The following AGBL1 variants were observed in gnomAD, a reference collection of about 807,000 sequenced individuals.
The protein encoded by AGBL1 is AGBL carboxypeptidase 1, also known as cytosolic carboxypeptidase 4.
A neutral mutation model predicts 118.9 loss-of-function variants in AGBL1; 130 were observed. The observed-to-expected ratio is 1.09, with a 90% CI of 0.95 to 1.26. The LOEUF is 1.26. Among genes scored for constraint, AGBL1 ranks in the 50% most tolerant of loss-of-function variants. The pLI, the probability that AGBL1 is intolerant of heterozygous loss-of-function variation, is 0.00. For synonymous variants in AGBL1, 555 were observed against 478.9 expected, an observed-to-expected ratio of 1.16 and a Z score of -2.08; for missense variants, 1,584 against 1,298.1, an observed-to-expected ratio of 1.22 and a Z score of -3.38.
chr15:86,211,269 C>G (rs918227032), intron 5 of AGBL1, among the ~76,000 whole-genome samples: 24 of 152,336 alleles, frequency 1.6e-4, no homozygotes, highest in African/African-American at 5.8e-4. Flanking sequence ...TGGGAGGTGT[C>G]TCCCAGTTAG....
At chr15:86,226,691 C>G (rs2078370062) in intron 6 of AGBL1, among the ~76,000 whole-genome samples, 1 of 152,172 alleles carries the variant, frequency 6.6e-6, no homozygotes, top group African/African-American at 2.4e-5. Context: ...TTCAACACAC[C>G]AGCCATGCCT....
At chr15:86,549,549 G>A (rs2083634648) in intron 20 of AGBL1, among the ~76,000 whole-genome samples, 1 of 151,374 alleles carries the variant, frequency 6.6e-6, no homozygotes, top group Admixed American at 6.6e-5. Context: ...AGAATCCAGA[G>A]ATGCTAAAAA....
chr15:86,103,572 G>C (rs989539125), intron 1 of AGBL1, among the ~76,000 whole-genome samples: 1 of 152,078 alleles, frequency 6.6e-6, no homozygotes, highest in African/African-American at 2.4e-5. Context: ...TTTGCTTCTG[G>C]GTGTGTGCAG....
chr15:86,388,216 A>G (rs1428953520), intron 17 of AGBL1, among the ~76,000 whole-genome samples: 1 of 152,158 alleles, frequency 6.6e-6, no homozygotes, highest in Non-Finnish European at 1.5e-5. Context: ...GCTGATTATT[A>G]GCCGTGATTA....
At chr15:86,785,368 T>TG (rs2078393861) in intron 22 of AGBL1, among the ~76,000 whole-genome samples, 2 of 138,780 alleles carry the variant, frequency 1.4e-5, no homozygotes, top group African/African-American at 5.5e-5. Flanking sequence ...TTCTTTTTTT[T>TG]TTTTTTTTTT....
intron 22 of AGBL1, among the ~76,000 whole-genome samples, chr15:86,675,366 T>C (rs546977867): frequency 3.3e-5 from 5 of 152,158 alleles, no homozygotes; most frequent in Non-Finnish European, 7.4e-5. Context: ...CAGTGTGACA[T>C]ACTGAATGGC....
Position 86,964,008 on chromosome 15 carries a change from A to ACTCTCTCTCTCTCTCT in AGBL1, c.3222-23970_3222-23955dup, listed in dbSNP as rs71460234. On this transcript the variant is annotated intron_variant, in intron 23 of 24. Transcript: ENST00000441037. ...ACTAATGGAAGATCTGAGCCAGGAA[A>ACTCTCTCTCTCTCTCT]CTCTCTCTCTCTCTCTCTCTCTCTG... Among the ~76,000 whole-genome samples, 403 of 139,538 alleles carry ACTCTCTCTCTCTCTCT rather than the reference A, an allele frequency of 2.9e-3. 2 individuals are homozygous for ACTCTCTCTCTCTCTCT. The highest frequency in any genetic ancestry group is 4.8e-3 in the Non-Finnish European group (311 of 64,188). 91.5% of individuals were successfully genotyped at this position (139,538 alleles called of 152,430 possible).
chr15:86,743,661 T>C (rs2077712936), intron 22 of AGBL1, among the ~76,000 whole-genome samples: 1 of 152,104 alleles, frequency 6.6e-6, no homozygotes, highest in African/African-American at 2.4e-5. Flanking sequence ...GGAGGGCTAA[T>C]GTAGGCCCAA....
At position 86,636,736 on chromosome 15, in the gene AGBL1, TATATATATATATATATATATATAC is replaced by T. The variant is rs1407549011; in HGVS notation, c.2995-37535_2995-37512del. Reference sequence around the variant, plus strand: ...ATATATATATATATATATATATATATATATATATATATATATATATATACACATACATACAGAAAGGCAAGAGAA... The same window carrying T: ...ATATATATATATATATATATATATATACATACATACAGAAAGGCAAGAGAA... On this transcript the variant is annotated intron_variant, in intron 21 of 22. Transcript: ENST00000614907. 6.4e-4 allele frequency among the ~76,000 whole-genome samples: 35 copies of T among 54,480 alleles called. 4 individuals are homozygous for T. In the South Asian group the frequency reaches 0.012, roughly 18 times the overall value. 35.7% of individuals were successfully genotyped at this position (54,480 alleles called of 152,430 possible). A position where few individuals can be genotyped will look rare whatever the true frequency, so the allele number is the denominator to read the frequency against.
At chr15:86,777,159 T>G (rs1247212338) in intron 22 of AGBL1, among the ~76,000 whole-genome samples, 2 of 152,064 alleles carry the variant, frequency 1.3e-5, no homozygotes, top group African/African-American at 4.8e-5. Context: ...TATAAAAACC[T>G]ACTTCCATTA....
chr15:87,023,685 G>C (rs2347468), intron 24 of AGBL1, among the ~76,000 whole-genome samples: 69,678 of 151,754 alleles, frequency 0.46, 18,453 homozygotes, highest in African/African-American at 0.73. Context: ...AATATACATT[G>C]TATTAAACAG....
chr15:86,275,401 A>C (rs931702785), intron 15 of AGBL1, among the ~76,000 whole-genome samples: 3 of 152,152 alleles, frequency 2.0e-5, no homozygotes, highest in Non-Finnish European at 1.5e-5. Flanking sequence ...AAGTCTGGCA[A>C]CTTCACTGCT....
intron 9 of AGBL1, among the ~76,000 whole-genome samples, chr15:86,259,428 T>C (rs2078948281): frequency 6.6e-6 from 1 of 152,184 alleles, no homozygotes; most frequent in African/African-American, 2.4e-5. Context: ...TTTTATGACA[T>C]TTACTGGGGA....
intron 22 of AGBL1, among the ~76,000 whole-genome samples, chr15:86,697,258 C>T (rs769588301): frequency 1.1e-4 from 17 of 151,786 alleles, no homozygotes; most frequent in Non-Finnish European, 2.9e-5. Flanking sequence ...GGTCATTTAA[C>T]ATAATCCCAA....
At chr15:86,644,708 A>T (rs1009860771) in intron 21 of AGBL1, among the ~76,000 whole-genome samples, 1 of 152,064 alleles carries the variant, frequency 6.6e-6, no homozygotes, top group Non-Finnish European at 1.5e-5. Flanking sequence ...GGGCTTGTCT[A>T]CATTAAAGGA....
chr15:86,519,046 T>A (rs1381509775), intron 18 of AGBL1, among the ~76,000 whole-genome samples: 1 of 152,110 alleles, frequency 6.6e-6, no homozygotes, highest in African/African-American at 2.4e-5. Flanking sequence ...ATGAAGTGGA[T>A]AATTTTTCCC....
At chr15:86,563,556 C>T in intron 21 of AGBL1, among the ~76,000 whole-genome samples, 1 of 70,612 alleles carries the variant, frequency 1.4e-5, no homozygotes. Flanking sequence ...AAGTGCTTTA[C>T]TTCCAACTAT....
intron 22 of AGBL1, among the ~76,000 whole-genome samples, chr15:86,685,437 A>C (rs2086036919): frequency 6.6e-6 from 1 of 152,152 alleles, no homozygotes; most frequent in Admixed American, 6.6e-5. Context: ...AATGGAAACT[A>C]AATTAGAGTC....
intron 18 of AGBL1, among the ~76,000 whole-genome samples, chr15:86,400,411 T>G (rs1352275848): frequency 2.2e-4 from 34 of 152,136 alleles, no homozygotes; most frequent in Admixed American, 2.2e-3. Flanking sequence ...TCTGGGTATA[T>G]TCTTATTAAT....
Sources: gnomAD v4.1 joint callset for allele counts (sites outside exome capture counted in the v4.1 genomes callset) on GRCh38, gnomAD v4.1.1 for gene constraint, MANE v1.5 for transcripts, NCBI Gene and HGNC (gene_info 2026-07-23, HGNC 2026-07-21) for gene names.